FHIP1A: variants seen among roughly 807,000 people sequenced by gnomAD.
FHIP1A encodes FHF complex subunit HOOK-interacting protein 1A.
A neutral mutation model predicts 88.6 loss-of-function variants in FHIP1A; 61 were observed. The observed-to-expected ratio is 0.69, with a 90% confidence interval of 0.56 to 0.85. FHIP1A has a LOEUF of 0.85. Among genes scored for constraint, FHIP1A ranks in the 40% least tolerant of loss-of-function variants. The pLI, the probability that FHIP1A is intolerant of heterozygous loss-of-function variation, is 0.00. For missense variants in FHIP1A, 1,154 were observed against 1,273.5 expected (o/e 0.91, Z 1.43); for synonymous variants, 478 against 496.0 (o/e 0.96, Z 0.48).
At chr4:151,445,322 T>C (rs1317411518) in intron 1 of FHIP1A, among the ~76,000 whole-genome samples, 1 of 152,084 alleles carries the variant, frequency 6.6e-6, no homozygotes, top group African/African-American at 2.4e-5. Context: ...CATATGAACA[T>C]GTTCTTGTAC....
chr4:151,577,954 T>C lies in FHIP1A; in HGVS notation c.610T>C (p.Phe204Leu), dbSNP rs1264977016. The change falls in exon 5 of 14, where the codon TTC becomes CTC. Residue 204 changes from phenylalanine (F) to leucine (L), a missense_variant. By Grantham distance (22) the Phe-to-Leu change is conservative. Coordinates refer to ENST00000435205, the MANE Select transcript of FHIP1A (RefSeq NM_001109977.3). ...CCTCATCTTCTCCCTTCTGATTCCC[T>C]TCATTCACCGAGAGGGGTCAGTAGG... The part of the protein sequence containing the change: ...NFLIFSLLIP[F>L]IHREGSVGQQ... 4 of 1,551,434 alleles carry C rather than the reference T, an allele frequency of 2.6e-6. 1 individual carries two copies. Among genetic ancestry groups the C allele is most frequent in the East Asian group, 2.4e-5 (1 of 40,932 alleles).
At chr4:151,419,005 C>T (rs976534043) in intron 1 of FHIP1A, among the ~76,000 whole-genome samples, 1 of 152,124 alleles carries the variant, frequency 6.6e-6, no homozygotes, top group Non-Finnish European at 1.5e-5. Flanking sequence ...CTGTTGCCTA[C>T]TGGGTAATGA....
intron 3 of FHIP1A, among the ~76,000 whole-genome samples, chr4:151,518,954 C>T (rs1267494920): frequency 1.3e-5 from 2 of 152,008 alleles, no homozygotes; most frequent in Non-Finnish European, 2.9e-5. Context: ...CCCAAAGGCT[C>T]GAGCCACCGC....
At chr4:151,502,513 G>A (rs1348333151) in intron 3 of FHIP1A, among the ~76,000 whole-genome samples, 2 of 152,170 alleles carry the variant, frequency 1.3e-5, no homozygotes, top group East Asian at 3.8e-4. Flanking sequence ...ATTTGAGCAG[G>A]TGGAAGAAAG....
chr4:151,512,173 A>G (rs1444281887), intron 3 of FHIP1A, among the ~76,000 whole-genome samples: 1 of 152,238 alleles, frequency 6.6e-6, no homozygotes, highest in Non-Finnish European at 1.5e-5. Flanking sequence ...TACCCAGGCA[A>G]ACAGGGTCTG....
At chr4:151,472,581 C>T (rs1729560260) in intron 2 of FHIP1A, among the ~76,000 whole-genome samples, 2 of 150,926 alleles carry the variant, frequency 1.3e-5, no homozygotes, top group South Asian at 4.2e-4. Flanking sequence ...CTCTTTGAGC[C>T]TGCCTCTGAA....
At chr4:151,499,042 T>A (rs1044212741) in intron 3 of FHIP1A, among the ~76,000 whole-genome samples, 4 of 152,234 alleles carry the variant, frequency 2.6e-5, no homozygotes, top group Non-Finnish European at 4.4e-5. Context: ...ATATCTGCCC[T>A]GGTTCTCATT....
Position 151,649,574 on chromosome 4 carries a change from C to G in FHIP1A, c.1533C>G (p.Ile511Met), listed in dbSNP as rs1201875098. The G allele has an allele frequency of 9.0e-6, 14 of 1,551,720 alleles. No individual in the cohort carries two copies. Among genetic ancestry groups the G allele is most frequent in the Non-Finnish European group, 1.2e-5 (14 of 1,146,982 alleles). ...LQYLWEAHTN[I>M]LRCMRDCRVW... ...ACCTGTGGGAGGCCCACACCAACAT[C>G]CTCCGCTGCATGAGGGACTGCCGTG... is the stretch of plus-strand genomic sequence containing the variant. The change falls in exon 11 of 14, where the codon ATC (isoleucine) becomes ATG (methionine). Residue 511 changes from isoleucine (I) to methionine (M), a missense_variant. Coordinates refer to ENST00000435205, the MANE Select transcript of FHIP1A (RefSeq NM_001109977.3).
intron 3 of FHIP1A, among the ~76,000 whole-genome samples, chr4:151,547,517 T>C (rs1385114997): frequency 6.6e-6 from 1 of 152,202 alleles, no homozygotes. Context: ...TTTTAAAATA[T>C]GTGAAGCACC....
At chr4:151,600,806 G>A (rs1458445580) in intron 7 of FHIP1A, among the ~76,000 whole-genome samples, 1 of 152,146 alleles carries the variant, frequency 6.6e-6, no homozygotes, top group Non-Finnish European at 1.5e-5. Context: ...TTGGATTCCT[G>A]TACTGATTGA....
At chr4:151,626,964 A>G (rs142589059) in intron 7 of FHIP1A, among the ~76,000 whole-genome samples, 3 of 152,308 alleles carry the variant, frequency 2.0e-5, no homozygotes, top group Non-Finnish European at 4.4e-5. Context: ...AGGAGGTTGC[A>G]TATTTGGGGG....
intron 1 of FHIP1A, among the ~76,000 whole-genome samples, chr4:151,441,026 CGCCAGCTTCTCA>C (rs1728392946): frequency 6.6e-6 from 1 of 152,110 alleles, no homozygotes; most frequent in African/African-American, 2.4e-5. Context: ...TAATTGACTA[CGCCAGCTTCTCA>C]GCCCTCACTT....
intron 3 of FHIP1A, among the ~76,000 whole-genome samples, chr4:151,544,149 C>G (rs1054395927): frequency 6.6e-6 from 1 of 152,078 alleles, no homozygotes; most frequent in African/African-American, 2.4e-5. Context: ...CTGGAGGACA[C>G]GGGACAAAAT....
chr4:151,522,244 T>G (rs900813908), intron 3 of FHIP1A, among the ~76,000 whole-genome samples: 1 of 152,218 alleles, frequency 6.6e-6, no homozygotes, highest in African/African-American at 2.4e-5. Context: ...TGATCCAGTT[T>G]CTGGATCACT....
rs888784702 is a variant in FHIP1A, at chr4:151,656,901, A to G, written c.2869+3A>G. 6.5e-7 allele frequency: 1 copy of G among 1,547,698 alleles called. No homozygotes were observed. The highest frequency in any genetic ancestry group is 1.4e-5 in the African/African-American group (1 of 73,012). ...GACCCCTGCAGCACTAACCAAAGGTAAGCCAGGTTTCTCCACAGCGCCCCT... is the reference window on the plus strand; with the variant it reads ...GACCCCTGCAGCACTAACCAAAGGTGAGCCAGGTTTCTCCACAGCGCCCCT... On this transcript the variant is annotated splice_donor_region_variant and intron_variant, in intron 13 of 13. Transcript: ENST00000435205. The surrounding 1 kb of genome is among the most constrained non-coding windows in gnomAD (Gnocchi z 4.2).
At position 151,496,716 on chromosome 4, in the gene FHIP1A, C is replaced by CTTTTTTTTTTTTTTTTT. The variant is rs58538673; in HGVS notation, c.-123+14069_-123+14085dup. ...CACAGGAGCATACCACCACGTCCAG[C>CTTTTTTTTTTTTTTTTT]TTTTTTTTTTTTTTTTTGTATTTTT... On this transcript the variant is annotated intron_variant, in intron 3 of 13. Coordinates refer to ENST00000435205, the MANE Select transcript of FHIP1A (RefSeq NM_001109977.3). 3.6e-3 allele frequency among the ~76,000 whole-genome samples: 366 copies of CTTTTTTTTTTTTTTTTT among 102,410 alleles called. 3 individuals carry two copies. The highest frequency in any genetic ancestry group is 5.6e-3 in the Middle Eastern group (1 of 178). 67.2% of individuals were successfully genotyped at this position (102,410 alleles called of 152,430 possible). A position where few individuals can be genotyped will look rare whatever the true frequency, so the allele number is the denominator to read the frequency against.
chr4:151,647,122 T>C (rs1186616668), intron 10 of FHIP1A, among the ~76,000 whole-genome samples: 1 of 152,184 alleles, frequency 6.6e-6, no homozygotes, highest in East Asian at 1.9e-4. Context: ...GAGCCACTTA[T>C]AGAAATCTGT....
intron 8 of FHIP1A, among the ~76,000 whole-genome samples, chr4:151,638,315 T>TGTGTG (rs1736435392): frequency 7.0e-6 from 1 of 143,732 alleles, no homozygotes; most frequent in East Asian, 2.0e-4. Flanking sequence ...AAATAGGAGA[T>TGTGTG]TGTGTGTGTG....
chr4:151,517,217 C>A (rs1640805643), intron 3 of FHIP1A, among the ~76,000 whole-genome samples: 1 of 152,026 alleles, frequency 6.6e-6, no homozygotes, highest in South Asian at 2.1e-4. Flanking sequence ...AAACCAAACA[C>A]CGCATATTCT....
Sources: allele counts gnomAD v4.1 joint callset (sites outside exome capture counted in the v4.1 genomes callset), GRCh38; gene constraint gnomAD v4.1.1; non-coding constraint Gnocchi (gnomAD v3.1); transcripts MANE v1.5; gene names NCBI Gene and HGNC (gene_info 2026-07-23, HGNC 2026-07-21).